Variants in FGF14 observed in about 807,000 individuals in gnomAD.
FGF14 encodes fibroblast growth factor 14.
In FGF14, 5 loss-of-function variants were observed where a neutral mutation model predicts 25.5. The ratio of observed to expected loss-of-function variants is 0.20; its 90% CI spans 0.10 to 0.41. FGF14 has a LOEUF of 0.41. FGF14 is among the 10% of genes least tolerant of loss of function. The pLI is 1.00. For synonymous variants in FGF14, 138 were observed against 118.3 expected (o/e 1.17, Z -1.08); for missense variants, 222 against 320.1 (o/e 0.69, Z 2.34).
chr13:102,200,871 G>C (rs2049590967), intron 1 of FGF14, among the ~76,000 whole-genome samples: 1 of 152,004 alleles, frequency 6.6e-6, no homozygotes, highest in African/African-American at 2.4e-5. Flanking sequence ...GGGAGGACAA[G>C]GCGGGCGGAT....
chr13:101,984,280 A>G (rs1183997698), intron 1 of FGF14, among the ~76,000 whole-genome samples: 1 of 152,164 alleles, frequency 6.6e-6, no homozygotes, highest in Non-Finnish European at 1.5e-5. Flanking sequence ...TAAAACATGA[A>G]AAAAATGCAC....
rs552066130 is a variant in FGF14 at position 102,387,370 on chromosome 13, A to G, written c.208+14101T>C. On this transcript the variant is annotated intron_variant, in intron 1 of 4. Coordinates refer to the FGF14 transcript ENST00000376131. ...TGTGCTTTTAGCCAACTGTTCCTTA[A>G]TGTGTATCTCCTCTAAGCAATGATC... Among the ~76,000 whole-genome samples the G allele has an allele frequency of 1.3e-4, 20 of 152,296 alleles. No homozygotes were observed. In the East Asian group the frequency reaches 3.7e-3, roughly 28 times the overall value.
chr13:101,961,976 T>C (rs890246620), intron 1 of FGF14, among the ~76,000 whole-genome samples: 4 of 152,320 alleles, frequency 2.6e-5, no homozygotes, highest in Admixed American at 6.5e-5. Flanking sequence ...CCTCATAGTA[T>C]GGTTTGAAGT....
chr13:101,755,460 C>T (rs748171982), intron 3 of FGF14, among the ~76,000 whole-genome samples: 2 of 151,936 alleles, frequency 1.3e-5, no homozygotes, highest in Non-Finnish European at 2.9e-5. Context: ...ATGATCACAC[C>T]GCTGCACTCC....
chr13:101,930,010 C>T (rs181938170), intron 1 of FGF14, among the ~76,000 whole-genome samples: 4 of 152,310 alleles, frequency 2.6e-5, no homozygotes, highest in East Asian at 3.9e-4. Context: ...TATCCACTAG[C>T]TGATTAGAGG....
chr13:102,028,478 G>T (rs1335113174), intron 1 of FGF14, among the ~76,000 whole-genome samples: 1 of 152,070 alleles, frequency 6.6e-6, no homozygotes, highest in East Asian at 1.9e-4. Flanking sequence ...AGAATGATGA[G>T]AAGCAAGTTT....
At chr13:101,919,594 C>T (rs1405624799), upstream of FGF14, among the ~76,000 whole-genome samples, 2 of 151,790 alleles carry the variant, frequency 1.3e-5, no homozygotes, top group African/African-American at 4.8e-5. Context: ...CTTCGTTGTT[C>T]AGCAGCCTCG....
intron 1 of FGF14, among the ~76,000 whole-genome samples, chr13:102,154,320 G>C (rs9554846): frequency 6.6e-6 from 1 of 150,854 alleles, no homozygotes; most frequent in African/African-American, 2.5e-5. Flanking sequence ...CGGATCTCTC[G>C]GCAGAAACCC....
At chr13:101,744,349 A>AT (rs1197469538) in intron 3 of FGF14, among the ~76,000 whole-genome samples, 65 of 152,232 alleles carry the variant, frequency 4.3e-4, no homozygotes, top group African/African-American at 1.4e-3. Flanking sequence ...TCTCGGGGAC[A>AT]AAGTCACAAT....
chr13:101,736,080 C>T (rs1323110485), intron 3 of FGF14, among the ~76,000 whole-genome samples: 1 of 152,150 alleles, frequency 6.6e-6, no homozygotes, highest in Admixed American at 6.5e-5. Context: ...TTAGTGATAG[C>T]TCAAAGCCAG....
intron 1 of FGF14, among the ~76,000 whole-genome samples, chr13:102,073,947 T>A (rs1190218232): frequency 6.6e-6 from 1 of 152,210 alleles, no homozygotes; most frequent in East Asian, 1.9e-4. Flanking sequence ...ATTATTCTCA[T>A]TCGCTCCCTC....
chr13:101,999,144 T>C (rs574732965), intron 1 of FGF14, among the ~76,000 whole-genome samples: 30 of 152,218 alleles, frequency 2.0e-4, no homozygotes, highest in Non-Finnish European at 3.7e-4. Flanking sequence ...ATTATCTAAT[T>C]AGTCACAGTA....
intron 1 of FGF14, among the ~76,000 whole-genome samples, chr13:102,240,236 A>G (rs572607653): frequency 6.6e-6 from 1 of 152,302 alleles, no homozygotes; most frequent in Admixed American, 6.5e-5. Context: ...TACAGATAAA[A>G]TATCTCTATA....
At chr13:102,381,374 C>T (rs1269842256) in intron 1 of FGF14, among the ~76,000 whole-genome samples, 1 of 152,192 alleles carries the variant, frequency 6.6e-6, no homozygotes, top group Non-Finnish European at 1.5e-5. Flanking sequence ...ATGATTAGGT[C>T]ATGAGGGCTC....
intron 1 of FGF14, among the ~76,000 whole-genome samples, chr13:102,144,847 A>G (rs2046789051): frequency 6.6e-6 from 1 of 152,230 alleles, no homozygotes; most frequent in Non-Finnish European, 1.5e-5. Flanking sequence ...AACATCACAT[A>G]AACACAAATG....
In FGF14 at chr13:102,163,978, G is replaced by A. The variant is rs1037237402; in HGVS notation, c.208+237493C>T. 1.3e-5 allele frequency among the ~76,000 whole-genome samples: 2 copies of A among 152,112 alleles called. 1 individual carries two copies. The highest frequency in any genetic ancestry group is 1.3e-4 in the Admixed American group (2 of 15,258). ...TCTGATTCCCGTTGTAGATTATCACGTTTTACCAAATGTCCTCATGTCCTT... is the reference window on the plus strand; with the variant it reads ...TCTGATTCCCGTTGTAGATTATCACATTTTACCAAATGTCCTCATGTCCTT... On this transcript the variant is annotated intron_variant, in intron 1 of 4. Coordinates refer to the FGF14 transcript ENST00000376131.
chr13:102,010,490 G>GA lies in FGF14; in HGVS notation c.209-135195dup, dbSNP rs544948581. On this transcript the variant is annotated intron_variant, in intron 1 of 4. Coordinates refer to the FGF14 transcript ENST00000376131. The stretch of plus-strand genomic sequence containing the variant: ...TCCTGTTCTATGATGTAACCACTGA[G>GA]AAAAAAAAGAAAGTGTTTATTTTTT... Among the ~76,000 whole-genome samples the GA allele has an allele frequency of 3.7e-4, 56 of 151,536 alleles. No homozygotes were observed. In the South Asian group the frequency reaches 5.2e-3, roughly 14 times the overall value.
chr13:102,384,013 C>G (rs544371584), intron 1 of FGF14, among the ~76,000 whole-genome samples: 1 of 152,160 alleles, frequency 6.6e-6, no homozygotes, highest in African/African-American at 2.4e-5. Context: ...CATGATCAGA[C>G]GCAAGATGTT....
intron 1 of FGF14, among the ~76,000 whole-genome samples, chr13:101,906,367 G>C (rs1261624025): frequency 6.6e-6 from 1 of 151,950 alleles, no homozygotes; most frequent in East Asian, 1.9e-4. Flanking sequence ...AATGGTAAGA[G>C]GAATAAAAAA....
Sources: allele counts gnomAD v4.1 joint callset (sites outside exome capture counted in the v4.1 genomes callset), GRCh38; gene constraint gnomAD v4.1.1; transcripts MANE v1.5; gene names NCBI Gene and HGNC (gene_info 2026-07-23, HGNC 2026-07-21).